Variants in FUT9 observed in about 807,000 individuals in gnomAD.
The protein encoded by FUT9 is 4-galactosyl-N-acetylglucosaminide 3-alpha-L-fucosyltransferase 9.
Under a neutral mutation model 29.7 loss-of-function variants are expected in FUT9, and 15 were observed. The ratio of observed to expected loss-of-function variants is 0.51; its 90% CI spans 0.34 to 0.78. The LOEUF (loss-of-function observed/expected upper bound fraction) is 0.78. Among genes scored for constraint, FUT9 ranks in the 30% least tolerant of loss-of-function variants. The probability of loss-of-function intolerance (pLI) is 0.01; values close to 1 mark genes in which losing one functional copy is unlikely to be tolerated. For synonymous variants in FUT9, 169 were observed against 153.7 expected (o/e 1.10, Z -0.74); for missense variants, 319 against 425.4 (o/e 0.75, Z 2.20).
At chr6:96,137,299 A>T (rs1280581270) in intron 2 of FUT9, among the ~76,000 whole-genome samples, 1 of 152,114 alleles carries the variant, frequency 6.6e-6, no homozygotes, top group Non-Finnish European at 1.5e-5. Context: ...ATATTGCAGT[A>T]TTATATTATA....
intron 2 of FUT9, among the ~76,000 whole-genome samples, chr6:96,184,714 T>A (rs1434982274): frequency 6.6e-6 from 1 of 152,110 alleles, no homozygotes; most frequent in African/African-American, 2.4e-5. Flanking sequence ...GTTGACCTGA[T>A]GATTATTCAA....
chr6:96,184,916 G>A (rs1773377274), intron 2 of FUT9, among the ~76,000 whole-genome samples: 1 of 151,982 alleles, frequency 6.6e-6, no homozygotes, highest in South Asian at 2.1e-4. Context: ...TTTGTTTACA[G>A]TAAGCAATTC....
intron 1 of FUT9, among the ~76,000 whole-genome samples, chr6:96,062,985 G>A (rs2127944799): frequency 6.6e-6 from 1 of 152,108 alleles, no homozygotes; most frequent in East Asian, 1.9e-4. Context: ...GGGTGTTGCT[G>A]GAATGATGTG....
At chr6:96,077,873 T>C (rs1771165231) in intron 1 of FUT9, among the ~76,000 whole-genome samples, 1 of 152,236 alleles carries the variant, frequency 6.6e-6, no homozygotes, top group African/African-American at 2.4e-5. Flanking sequence ...GTTGTTCCTT[T>C]TTATGTGATC....
intron 1 of FUT9, among the ~76,000 whole-genome samples, chr6:96,081,218 T>A (rs1297292954): frequency 2.0e-5 from 3 of 151,680 alleles, no homozygotes; most frequent in African/African-American, 7.3e-5. Context: ...TCAATAATTT[T>A]GAGGCTCCTT....
chr6:96,170,373 A>G (rs192671777), intron 2 of FUT9, among the ~76,000 whole-genome samples: 1 of 152,314 alleles, frequency 6.6e-6, no homozygotes. Context: ...GTTATAAATA[A>G]GATTTAATGT....
In FUT9 at chr6:96,160,010, T is replaced by G. The variant is rs983087556; in HGVS notation, c.-8-43138T>G. Among the ~76,000 whole-genome samples, 32 of 152,308 alleles carry G rather than the reference T, an allele frequency of 2.1e-4. No individual in the cohort carries two copies. In the Middle Eastern group the frequency reaches 0.017, roughly 81 times the overall value. On this transcript the variant is annotated intron_variant, in intron 2 of 2. Transcript: ENST00000302103. ...ATTATCAACGAAACAAGAAATTAAT[T>G]AGGCTGACAGATAAAATCAGAGGAT...
Position 96,206,301 on chromosome 6 carries a change from T to A in FUT9, c.*2066T>A, listed in dbSNP as rs891880922. 2 of 167,100 alleles carry A rather than the reference T, an allele frequency of 1.2e-5. No homozygotes were observed. The highest frequency in any genetic ancestry group is 4.8e-5 in the African/African-American group (2 of 41,450). The allele number at this position is 167,100 out of a possible 1,614,324, so 10.4% of individuals were successfully genotyped here. A position where few individuals can be genotyped will look rare whatever the true frequency, so the allele number is the denominator to read the frequency against. On this transcript the variant is annotated 3_prime_UTR_variant, in exon 3 of 3. Transcript: ENST00000302103. ...TTAAGAAATAATATTTTTATGTGGA[T>A]GTCCTCCTCAATAAGTAAAGATCTC...
chr6:96,086,910 A>G (rs1419176290), intron 1 of FUT9, among the ~76,000 whole-genome samples: 1 of 152,196 alleles, frequency 6.6e-6, no homozygotes, highest in Non-Finnish European at 1.5e-5. Flanking sequence ...GCTGTCACAG[A>G]GAATAGGTTT....
rs528871945 is a variant in FUT9, at chr6:96,182,492, T to C, written c.-8-20656T>C. 1.1e-4 allele frequency among the ~76,000 whole-genome samples: 16 copies of C among 152,242 alleles called. 1 individual carries two copies. The South Asian group carries it at 3.3e-3, about 32-fold the overall frequency. ...TTTGGGTTCTCGGTCATGAAATCCTTGCCTAAGCCAATGTCTAGAGGTCTT... is the reference window on the plus strand; with the variant it reads ...TTTGGGTTCTCGGTCATGAAATCCTCGCCTAAGCCAATGTCTAGAGGTCTT... On this transcript the variant is annotated intron_variant, in intron 2 of 2. Coordinates refer to ENST00000302103, the MANE Select transcript of FUT9 (RefSeq NM_006581.4).
rs1773782870 is a variant in FUT9, at chr6:96,204,176, G to A, written c.1021G>A (p.Val341Met). Residue 341 changes from valine (V) to methionine (M), a missense_variant, in exon 3 of 3, where the codon GTG becomes ATG. Transcript: ENST00000302103. Reference sequence around the variant, plus strand: ...ACATGCATGTTTGGCTTGCGATCATGTGAAAAGGCATCAAGAATATAAGTC... The same window carrying A: ...ACATGCATGTTTGGCTTGCGATCATATGAAAAGGCATCAAGAATATAAGTC... ...ESHACLACDHVKRHQEYKSVG... is the reference protein window; with the variant it reads ...ESHACLACDHMKRHQEYKSVG... 1 of 1,488,290 alleles carries A rather than the reference G, an allele frequency of 6.7e-7. No individual in the cohort carries two copies. The highest frequency in any genetic ancestry group is 8.9e-7 in the Non-Finnish European group (1 of 1,117,882). 92.2% of individuals were successfully genotyped at this position (1,488,290 alleles called of 1,614,324 possible).
Position 96,203,944 on chromosome 6 carries a change from T to A in FUT9, c.789T>A (p.Ala263=). 6.2e-7 allele frequency: 1 copy of A among 1,613,350 alleles called. No individual in the cohort carries two copies. The highest frequency in any genetic ancestry group is 8.5e-7 in the Non-Finnish European group (1 of 1,179,432). The change falls in exon 3 of 3, where the codon GCT becomes GCA. Residue 263 remains alanine, a synonymous_variant. Transcript: ENST00000302103. The part of the protein sequence containing the change: ...ITEKLYNAFL[A]GSVPVVLGPS... ...AAAAGCTATACAATGCTTTTCTGGC[T>A]GGCTCTGTACCTGTTGTTCTGGGAC...
At position 96,203,521 on chromosome 6, in the gene FUT9, G is replaced by C; in HGVS notation, c.366G>C (p.Gln122His). The stretch of plus-strand genomic sequence containing the variant: ...GTTGGGATCTGACAAATTTACCTCA[G>C]CAAGCTAGGCCACCCTTCCAGAAAT... ...DISWDLTNLPQQARPPFQKWI... is the reference protein window; with the variant it reads ...DISWDLTNLPHQARPPFQKWI... Residue 122 changes from glutamine to histidine, a missense_variant, in exon 3 of 3, where the codon CAG becomes CAC. Transcript: ENST00000302103. 6.2e-7 allele frequency: 1 copy of C among 1,613,090 alleles called. No individual in the cohort carries two copies.
At position 96,205,473 on chromosome 6, in the gene FUT9, T is replaced by C. The variant is rs552736633; in HGVS notation, c.*1238T>C. The C allele has an allele frequency of 9.0e-5, 15 of 167,180 alleles. No individual in the cohort carries two copies. The highest frequency in any genetic ancestry group is 3.4e-4 in the African/African-American group (14 of 41,576). The allele number at this position is 167,180 out of a possible 1,614,324, so 10.4% of individuals were successfully genotyped here. On this transcript the variant is annotated 3_prime_UTR_variant, in exon 3 of 3. Coordinates refer to ENST00000302103, the MANE Select transcript of FUT9 (RefSeq NM_006581.4). Reference sequence around the variant, plus strand: ...CTTTTATATCCCATTTTGGTAATTATTCATACATAGCACATATGACCATGA... The same window carrying C: ...CTTTTATATCCCATTTTGGTAATTACTCATACATAGCACATATGACCATGA...
chr6:96,182,604 A>G (rs1394606485), intron 2 of FUT9, among the ~76,000 whole-genome samples: 1 of 151,168 alleles, frequency 6.6e-6, no homozygotes, highest in African/African-American at 2.4e-5. Flanking sequence ...TAAGCCCTTG[A>G]TCCATCTTGT....
intron 1 of FUT9, among the ~76,000 whole-genome samples, chr6:96,054,858 T>C (rs1223342909): frequency 6.6e-6 from 1 of 152,192 alleles, no homozygotes; most frequent in Non-Finnish European, 1.5e-5. Context: ...GTAATGTTCT[T>C]ATAAGAGTGC....
At chr6:96,052,370 C>T (rs1296693735) in intron 1 of FUT9, among the ~76,000 whole-genome samples, 2 of 152,142 alleles carry the variant, frequency 1.3e-5, no homozygotes, top group African/African-American at 4.8e-5. Context: ...AATGTCTGGC[C>T]AATATTGTCA....
chr6:96,204,131 C>A lies in FUT9; in HGVS notation c.976C>A (p.Leu326Ile). 6.7e-7 allele frequency: 1 copy of A among 1,497,732 alleles called. No homozygotes were observed. Among genetic ancestry groups the A allele is most frequent in the Non-Finnish European group, 8.9e-7 (1 of 1,123,022 alleles). 92.8% of individuals were successfully genotyped at this position (1,497,732 alleles called of 1,614,324 possible). A position where few individuals can be genotyped will look rare whatever the true frequency, so the allele number is the denominator to read the frequency against. The change falls in exon 3 of 3, where the codon CTT becomes ATT. Residue 326 changes from leucine (L) to isoleucine (I), a missense_variant. By Grantham distance (5) the Leu-to-Ile change is conservative. Coordinates refer to ENST00000302103, the MANE Select transcript of FUT9 (RefSeq NM_006581.4). Reference sequence around the variant, plus strand: ...CTGGAGGAAGGATTTCACTGTAAATCTTCCACGATTTTGGGAATCACATGC... The same window carrying A: ...CTGGAGGAAGGATTTCACTGTAAATATTCCACGATTTTGGGAATCACATGC... ...FNWRKDFTVN[L>I]PRFWESHACL...
intron 2 of FUT9, among the ~76,000 whole-genome samples, chr6:96,145,772 C>T (rs1463352117): frequency 4.6e-5 from 7 of 152,184 alleles, no homozygotes; most frequent in African/African-American, 1.2e-4. Flanking sequence ...TGATAGAGTA[C>T]ATCTAGGCAG....
Sources: gnomAD v4.1 joint callset for allele counts (sites outside exome capture counted in the v4.1 genomes callset) on GRCh38, gnomAD v4.1.1 for gene constraint, MANE v1.5 for transcripts, NCBI Gene and HGNC (gene_info 2026-07-23, HGNC 2026-07-21) for gene names.